MAP4: variants seen among roughly 807,000 people sequenced by gnomAD.
MAP4 encodes the protein microtubule associated protein 4, also known as microtubule-associated protein 4.
Under a neutral mutation model 170.2 loss-of-function variants are expected in MAP4, and 76 were observed. That is an observed-to-expected ratio of 0.45 (90% CI 0.37 to 0.54). MAP4 has a LOEUF of 0.54. Among genes scored for constraint, MAP4 ranks in the 20% least tolerant of loss-of-function variants. The pLI is 0.00. For synonymous variants in MAP4, 909 were observed against 994.5 expected, an observed-to-expected ratio of 0.91 and a Z score of 1.62; for missense variants, 2,506 against 2,748.0, an observed-to-expected ratio of 0.91 and a Z score of 1.97.
intron 2 of MAP4, among the ~76,000 whole-genome samples, chr3:47,994,051 A>C (rs769576341): frequency 6.6e-6 from 1 of 152,134 alleles, no homozygotes; most frequent in Non-Finnish European, 1.5e-5. Flanking sequence ...TTTGTTTCCT[A>C]ATCTTTAAAA....
rs200872265 is a variant in MAP4 at position 47,986,698 on chromosome 3, TA to T, written c.224-8766del. ...TTATGAACTATACATTTTGGTACGA[TA>T]TTTTTTTTCCCCAAAAAGAACTATT... On this transcript the variant is annotated intron_variant, in intron 2 of 20. Coordinates refer to ENST00000683076, the MANE Select transcript of MAP4 (RefSeq NM_001385682.1). Among the ~76,000 whole-genome samples the T allele has an allele frequency of 4.6e-3, 704 of 152,304 alleles. 20 individuals carry two copies. Among genetic ancestry groups the T allele is most frequent in the Admixed American group, 0.041 (628 of 15,280 alleles).
chr3:47,881,446 C>CTA lies in MAP4; in HGVS notation c.5435-3925_5435-3924dup, dbSNP rs56923064. 4.1e-3 allele frequency among the ~76,000 whole-genome samples: 202 copies of CTA among 49,284 alleles called. 2 individuals are homozygous for CTA. The highest frequency in any genetic ancestry group is 0.01 in the Middle Eastern group (1 of 96). 32.3% of individuals were successfully genotyped at this position (49,284 alleles called of 152,430 possible). A position where few individuals can be genotyped will look rare whatever the true frequency, so the allele number is the denominator to read the frequency against. On this transcript the variant is annotated intron_variant, in intron 10 of 20. Coordinates refer to ENST00000683076, the MANE Select transcript of MAP4 (RefSeq NM_001385682.1). ...CAGCCTGGGCAACAAGAAAAAACAA[C>CTA]TATATATATATATATATATATATAT...
At chr3:47,991,234 A>G (rs1164571166) in intron 2 of MAP4, among the ~76,000 whole-genome samples, 1 of 152,242 alleles carries the variant, frequency 6.6e-6, no homozygotes, top group Non-Finnish European at 1.5e-5. Context: ...GTGGACATGT[A>G]AGAATTAAAG....
chr3:48,013,638 A>C (rs1443075266), intron 1 of MAP4: 2 of 151,894 alleles, frequency 1.3e-5, no homozygotes, highest in Non-Finnish European at 2.9e-5. Context: ...CTCAGTGTGA[A>C]TATGAACAAC....
chr3:48,016,608 T>G (rs143584925), upstream of MAP4, among the ~76,000 whole-genome samples: 620 of 152,342 alleles, frequency 4.1e-3, 4 homozygotes, highest in African/African-American at 0.014. Flanking sequence ...CTAAATTTTT[T>G]AAATGAGTAA....
intron 3 of MAP4, 27 bp downstream of exon 3, chr3:47,977,838 A>C (rs764398147): frequency 1.2e-5 from 19 of 1,537,034 alleles, no homozygotes; most frequent in Non-Finnish European, 1.5e-5. Flanking sequence ...TCACCTACAC[A>C]TTTGGGGAAT....
chr3:48,077,502 A>ATT (rs574202980), intron 1 of MAP4, among the ~76,000 whole-genome samples: 2 of 145,642 alleles, frequency 1.4e-5, no homozygotes, highest in East Asian at 2.0e-4. Context: ...TCTGGTTTTA[A>ATT]TTTTTTTTTT....
intron 1 of MAP4, among the ~76,000 whole-genome samples, chr3:48,011,908 T>C (rs962487708): frequency 6.6e-6 from 1 of 152,174 alleles, no homozygotes; most frequent in South Asian, 2.1e-4. Context: ...CTAGTTTTGA[T>C]AGAGGCAAGA....
intron 1 of MAP4, among the ~76,000 whole-genome samples, chr3:48,055,148 T>G (rs2100130110): frequency 6.6e-6 from 1 of 152,000 alleles, no homozygotes; most frequent in Admixed American, 6.5e-5. Flanking sequence ...CCATATTATA[T>G]CAATACAAAT....
At chr3:48,024,712 T>A (rs1440658184) in intron 1 of MAP4, among the ~76,000 whole-genome samples, 3 of 152,100 alleles carry the variant, frequency 2.0e-5, no homozygotes, top group Non-Finnish European at 4.4e-5. Flanking sequence ...TGTTAAAGAG[T>A]TAGCATCAAC....
At chr3:47,857,588 T>TAATAAATAAATAATAAATGATAAATATA in intron 17 of MAP4, 76 bp from the exon 18 acceptor site, 1 of 990,872 alleles carries the variant, frequency 1.0e-6, no homozygotes. Flanking sequence ...ACCTTTTAAA[T>TAATAAATAAATAATAAATGATAAATATA]CTTCTCCATG....
intron 1 of MAP4, among the ~76,000 whole-genome samples, chr3:48,054,114 C>T (rs2100129320): frequency 6.6e-6 from 1 of 151,870 alleles, no homozygotes; most frequent in Non-Finnish European, 1.5e-5. Flanking sequence ...CCATCCTGGC[C>T]AACATGGTGA....
At chr3:48,024,481 GA>G (rs1301170027) in intron 1 of MAP4, among the ~76,000 whole-genome samples, 11 of 152,130 alleles carry the variant, frequency 7.2e-5, no homozygotes, top group Non-Finnish European at 1.0e-4. Flanking sequence ...AATGTGAGCT[GA>G]AGAATTATGC....
intron 2 of MAP4, among the ~76,000 whole-genome samples, chr3:47,988,193 CAA>C (rs769431827): frequency 2.3e-4 from 17 of 73,888 alleles, no homozygotes; most frequent in Admixed American, 3.2e-4. Context: ...GACTCCGTCT[CAA>C]AAAAAAAAAA....
rs774963977 is a variant in MAP4, at chr3:47,875,811, G to C, written c.5631C>G (p.Thr1877=). ...TGGGTTTTTTATTCAACCCACCAATGGTGGTGGGAGCTGGCTGCTTAGGGA... is the reference window on the plus strand; with the variant it reads ...TGGGTTTTTTATTCAACCCACCAATCGTGGTGGGAGCTGGCTGCTTAGGGA... The part of the protein sequence containing the change: ...TSLPKQPAPT[T]IGGLNKKPMS... The change falls in exon 12 of 21, where the codon ACC becomes ACG. Residue 1877 remains threonine, a synonymous_variant. Transcript: ENST00000683076. 6.2e-7 allele frequency: 1 copy of C among 1,613,788 alleles called. No individual in the cohort carries two copies. Among genetic ancestry groups the C allele is most frequent in the East Asian group, 2.2e-5 (1 of 44,890 alleles).
At chr3:47,869,645 A>G (rs1468493473) in intron 15 of MAP4, among the ~76,000 whole-genome samples, 1 of 152,150 alleles carries the variant, frequency 6.6e-6, no homozygotes, top group Non-Finnish European at 1.5e-5. Context: ...GTGCTGGGGC[A>G]TGATTTTCCA....
At chr3:48,067,621 A>T (rs1279599120) in intron 1 of MAP4, among the ~76,000 whole-genome samples, 1 of 145,832 alleles carries the variant, frequency 6.9e-6, no homozygotes, top group East Asian at 2.0e-4. Context: ...CTCAAAGTTA[A>T]CAAGAGAAAC....
intron 2 of MAP4, among the ~76,000 whole-genome samples, chr3:47,998,344 C>G (rs2100097127): frequency 6.6e-6 from 1 of 152,108 alleles, no homozygotes; most frequent in Admixed American, 6.5e-5. Flanking sequence ...CTTTTCAAAG[C>G]TACTTTCAGA....
intron 3 of MAP4, among the ~76,000 whole-genome samples, chr3:47,942,863 A>G (rs988228242): frequency 3.9e-5 from 6 of 152,184 alleles, no homozygotes; most frequent in African/African-American, 1.4e-4. Flanking sequence ...TAATCATCGC[A>G]ATTTGGGAGG....
Sources: gnomAD v4.1 joint callset for allele counts (sites outside exome capture counted in the v4.1 genomes callset) on GRCh38, gnomAD v4.1.1 for gene constraint, MANE v1.5 for transcripts, NCBI Gene and HGNC (gene_info 2026-07-23, HGNC 2026-07-21) for gene names.